Variants in NMNAT2 observed in about 807,000 individuals in gnomAD.
NMNAT2 encodes nicotinamide/nicotinic acid mononucleotide adenylyltransferase 2.
In NMNAT2, 11 loss-of-function variants were observed where a neutral mutation model predicts 41.6. The ratio of observed to expected loss-of-function variants is 0.26; its 90% confidence interval spans 0.17 to 0.44. NMNAT2 has a LOEUF of 0.44. NMNAT2 is among the 20% of genes least tolerant of loss of function. NMNAT2 has a pLI of 1.00. For missense variants in NMNAT2, 288 were observed against 407.7 expected, an observed-to-expected ratio of 0.71 and a Z score of 2.53; for synonymous variants, 148 against 151.2, an observed-to-expected ratio of 0.98 and a Z score of 0.16.
At chr1:183,344,346 G>A (rs1005066374) in intron 1 of NMNAT2, among the ~76,000 whole-genome samples, 2 of 152,162 alleles carry the variant, frequency 1.3e-5, no homozygotes, top group Non-Finnish European at 2.9e-5. Flanking sequence ...TTCCAGGGCT[G>A]ACCCATTCCA....
intron 1 of NMNAT2, among the ~76,000 whole-genome samples, chr1:183,413,071 T>C (rs910686274): frequency 1.3e-5 from 2 of 152,232 alleles, no homozygotes; most frequent in Non-Finnish European, 2.9e-5. Flanking sequence ...AAGAGAATTA[T>C]GCATTAAATT....
chr1:183,411,115 A>G (rs959833503), intron 1 of NMNAT2, among the ~76,000 whole-genome samples: 3 of 152,126 alleles, frequency 2.0e-5, no homozygotes, highest in Admixed American at 1.3e-4. Flanking sequence ...CCATGTCCAG[A>G]GTGGTAACTT....
intron 1 of NMNAT2, among the ~76,000 whole-genome samples, chr1:183,310,180 T>C (rs1308802726): frequency 6.6e-6 from 1 of 152,196 alleles, no homozygotes; most frequent in Non-Finnish European, 1.5e-5. Context: ...TCAGACGGAC[T>C]CTCCCAAACA....
chr1:183,322,675 C>T (rs1571597537), intron 1 of NMNAT2, among the ~76,000 whole-genome samples: 1 of 152,336 alleles, frequency 6.6e-6, no homozygotes, highest in South Asian at 2.1e-4. Flanking sequence ...AATAAGCGAT[C>T]TGGAGCCTAA....
intron 10 of NMNAT2, among the ~76,000 whole-genome samples, chr1:183,256,554 G>T (rs1024341389): frequency 6.6e-6 from 1 of 152,176 alleles, no homozygotes; most frequent in Admixed American, 6.5e-5. Context: ...CAATTGATAT[G>T]GTCATGTGGT....
chr1:183,289,304 G>A (rs533850378), intron 4 of NMNAT2, among the ~76,000 whole-genome samples: 2 of 152,200 alleles, frequency 1.3e-5, no homozygotes, highest in African/African-American at 2.4e-5. Flanking sequence ...TCTCGCCATC[G>A]GTGGCATTGC....
In NMNAT2 at chr1:183,353,210, C is replaced by A. The variant is rs556966534; in HGVS notation, c.86-59417G>T. ...TTTAGTAGAGACAGGGTTTCACCAT[C>A]TTGGCCAGGCTGGTCTTGAACTCCT... On this transcript the variant is annotated intron_variant, in intron 1 of 10. Coordinates refer to ENST00000287713, the MANE Select transcript of NMNAT2 (RefSeq NM_015039.4). Among the ~76,000 whole-genome samples, 3 of 152,066 alleles carry A rather than the reference C, an allele frequency of 2.0e-5. No individual in the cohort carries two copies. In the East Asian group the frequency reaches 5.8e-4, roughly 29 times the overall value.
Position 183,261,227 on chromosome 1 carries a change from T to A in NMNAT2, c.728A>T (p.His243Leu). The A allele has an allele frequency of 6.2e-7, 1 of 1,613,936 alleles. No individual in the cohort carries two copies. The highest frequency in any genetic ancestry group is 8.5e-7 in the Non-Finnish European group (1 of 1,179,982). ...DAADTDRIMN[H>L]SSILRKYKNN... Reference sequence around the variant, plus strand: ...TTTGTATTTGCGGAGTATTGAGGAGTGATTCATGATTCGGTCTGTGTCGGC... The same window carrying A: ...TTTGTATTTGCGGAGTATTGAGGAGAGATTCATGATTCGGTCTGTGTCGGC... Residue 243 changes from histidine to leucine, a missense_variant, in exon 9 of 11, where the codon CAC (histidine) becomes CTC (leucine). By Grantham distance (99) the His-to-Leu change is moderately conservative (BLOSUM62 -3). This residue lies in a region of NMNAT2 where 181 missense variants were observed against 213.7 expected (regional missense o/e 0.85). Transcript: ENST00000287713.
chr1:183,376,110 T>C (rs550273174), intron 1 of NMNAT2, among the ~76,000 whole-genome samples: 1 of 152,330 alleles, frequency 6.6e-6, no homozygotes, highest in South Asian at 2.1e-4. Context: ...GGTCATGATA[T>C]CTTGACATCC....
chr1:183,385,361 T>C (rs1184266117), intron 1 of NMNAT2, among the ~76,000 whole-genome samples: 2 of 152,172 alleles, frequency 1.3e-5, no homozygotes, highest in Non-Finnish European at 2.9e-5. Flanking sequence ...ACACCAGAAA[T>C]TTCTGGAAAA....
intron 1 of NMNAT2, chr1:183,304,951 G>T: frequency 8.1e-7 from 1 of 1,233,412 alleles, no homozygotes. Flanking sequence ...ACCATGCTGA[G>T]AGAACCTCTC....
At chr1:183,385,627 A>C (rs1316788551) in intron 1 of NMNAT2, among the ~76,000 whole-genome samples, 1 of 151,710 alleles carries the variant, frequency 6.6e-6, no homozygotes, top group Non-Finnish European at 1.5e-5. Context: ...AAAATCCTCC[A>C]CATTTAAACT....
chr1:183,321,512 A>G (rs2480768), intron 1 of NMNAT2, among the ~76,000 whole-genome samples: 109,802 of 152,014 alleles, frequency 0.72, 39,834 homozygotes, highest in East Asian at 0.92. Flanking sequence ...AGGCCGAGGC[A>G]GGTGGATCTA....
intron 1 of NMNAT2, among the ~76,000 whole-genome samples, chr1:183,358,850 A>G (rs1320672441): frequency 6.6e-6 from 1 of 152,146 alleles, no homozygotes; most frequent in Non-Finnish European, 1.5e-5. Flanking sequence ...ACGGACGATA[A>G]GGTTGGTGCA....
intron 8 of NMNAT2, among the ~76,000 whole-genome samples, chr1:183,265,780 A>G (rs971784226): frequency 5.3e-5 from 8 of 152,182 alleles, no homozygotes; most frequent in African/African-American, 1.9e-4. Flanking sequence ...AAAGATATCC[A>G]GGTTCTAATC....
intron 3 of NMNAT2, 36 bp downstream of exon 3, chr1:183,292,754 G>C: frequency 6.3e-7 from 1 of 1,595,004 alleles, no homozygotes; most frequent in Non-Finnish European, 8.6e-7. Context: ...GTAAGTCTCC[G>C]GGCCACTGCC....
At chr1:183,376,202 T>C (rs909407878) in intron 1 of NMNAT2, among the ~76,000 whole-genome samples, 2 of 152,210 alleles carry the variant, frequency 1.3e-5, no homozygotes, top group African/African-American at 4.8e-5. Flanking sequence ...TTAATGGTAT[T>C]AATAATTAAT....
intron 1 of NMNAT2, among the ~76,000 whole-genome samples, chr1:183,326,992 A>T (rs573269790): frequency 6.6e-6 from 1 of 152,104 alleles, no homozygotes; most frequent in Admixed American, 6.6e-5. Flanking sequence ...AGCTATCCCC[A>T]TTACCCTTTC....
chr1:183,329,789 T>C (rs564441881), intron 1 of NMNAT2, among the ~76,000 whole-genome samples: 1 of 152,298 alleles, frequency 6.6e-6, no homozygotes, highest in South Asian at 2.1e-4. Context: ...TATGGGGGCA[T>C]TGCAAGCATC....
Sources: allele counts gnomAD v4.1 joint callset (sites outside exome capture counted in the v4.1 genomes callset), GRCh38; gene constraint gnomAD v4.1.1; regional missense constraint gnomAD v4.1.1; transcripts MANE v1.5; gene names NCBI Gene and HGNC (gene_info 2026-07-23, HGNC 2026-07-21).